The following ZMAT4 variants were observed in gnomAD, a reference collection of about 807,000 sequenced individuals.
ZMAT4 encodes zinc finger matrin-type 4, also known as zinc finger matrin-type protein 4.
Under a neutral mutation model 28.7 loss-of-function variants are expected in ZMAT4, and 17 were observed. The observed-to-expected ratio is 0.59, with a 90% CI of 0.41 to 0.89. The LOEUF (loss-of-function observed/expected upper bound fraction) is 0.89. Ranked by LOEUF, ZMAT4 falls within the 40% of genes least tolerant of loss-of-function variation. ZMAT4 has a pLI of 0.00. For missense variants in ZMAT4, 240 were observed against 283.8 expected (o/e 0.85, Z 1.11); for synonymous variants, 117 against 109.2 (o/e 1.07, Z -0.44).
At chr8:40,757,143 C>A (rs375825034) in intron 3 of ZMAT4, among the ~76,000 whole-genome samples, 4 of 152,088 alleles carry the variant, frequency 2.6e-5, no homozygotes, top group South Asian at 2.1e-4. Context: ...GACACTTGTT[C>A]ATAGTATGGA....
intron 5 of ZMAT4, among the ~76,000 whole-genome samples, chr8:40,670,037 A>G (rs903201041): frequency 5.9e-5 from 9 of 152,224 alleles, no homozygotes; most frequent in Admixed American, 6.5e-5. Flanking sequence ...CAAAGCTTTT[A>G]TGCAAGATTG....
At chr8:40,688,271 C>T (rs1809505376) in intron 4 of ZMAT4, among the ~76,000 whole-genome samples, 1 of 152,054 alleles carries the variant, frequency 6.6e-6, no homozygotes, top group South Asian at 2.1e-4. Context: ...GCCTGACCAA[C>T]ATGGTGAAAT....
intron 2 of ZMAT4, among the ~76,000 whole-genome samples, chr8:40,777,953 G>C (rs1813672375): frequency 6.6e-6 from 1 of 152,172 alleles, no homozygotes; most frequent in Non-Finnish European, 1.5e-5. Flanking sequence ...CGGTTATTCT[G>C]AGTGAATCTT....
At chr8:40,816,653 A>T (rs1317262417) in intron 2 of ZMAT4, among the ~76,000 whole-genome samples, 1 of 152,212 alleles carries the variant, frequency 6.6e-6, no homozygotes. Flanking sequence ...TTGTAGGAAA[A>T]CCAGAAGGTT....
At chr8:40,719,805 A>G (rs753830405) in intron 3 of ZMAT4, among the ~76,000 whole-genome samples, 2 of 152,168 alleles carry the variant, frequency 1.3e-5, no homozygotes, top group Non-Finnish European at 2.9e-5. Flanking sequence ...TCCTGATCTC[A>G]GGTGATCTGC....
At chr8:40,586,427 G>A (rs2118562907) in intron 5 of ZMAT4, among the ~76,000 whole-genome samples, 1 of 152,290 alleles carries the variant, frequency 6.6e-6, no homozygotes, top group South Asian at 2.1e-4. Flanking sequence ...AATCCAGTTG[G>A]AGACAGAAAA....
intron 6 of ZMAT4, among the ~76,000 whole-genome samples, chr8:40,542,075 G>C (rs1803053420): frequency 6.6e-6 from 1 of 152,208 alleles, no homozygotes; most frequent in African/African-American, 2.4e-5. Flanking sequence ...AGGAATGTGT[G>C]GTGGAGAGGC....
At chr8:40,887,728 G>A (rs903770220) in intron 1 of ZMAT4, among the ~76,000 whole-genome samples, 2 of 152,064 alleles carry the variant, frequency 1.3e-5, no homozygotes, top group South Asian at 4.2e-4. Context: ...GAAAGAACAG[G>A]TATGAGACCC....
chr8:40,767,354 T>TCC (rs1241129131), intron 3 of ZMAT4, among the ~76,000 whole-genome samples: 1 of 152,148 alleles, frequency 6.6e-6, no homozygotes, highest in Non-Finnish European at 1.5e-5. Context: ...TGGTCCTGCC[T>TCC]CCCCTTACCC....
chr8:40,702,601 T>C (rs1392454219), intron 3 of ZMAT4, among the ~76,000 whole-genome samples: 1 of 152,232 alleles, frequency 6.6e-6, no homozygotes, highest in African/African-American at 2.4e-5. Context: ...CCTTTTGTTA[T>C]AAAGATTTCT....
intron 1 of ZMAT4, among the ~76,000 whole-genome samples, chr8:40,893,077 C>T (rs1477102198): frequency 6.6e-6 from 1 of 152,220 alleles, no homozygotes; most frequent in African/African-American, 2.4e-5. Context: ...TTCTCTAGTT[C>T]AATCCTTGCT....
intron 1 of ZMAT4, among the ~76,000 whole-genome samples, chr8:40,837,333 T>A (rs1816531488): frequency 6.6e-6 from 1 of 152,190 alleles, no homozygotes; most frequent in African/African-American, 2.4e-5. Context: ...CTGAAAGTCT[T>A]GGTTCCTGGA....
intron 1 of ZMAT4, among the ~76,000 whole-genome samples, chr8:40,827,844 G>A (rs541939334): frequency 3.9e-5 from 6 of 152,280 alleles, no homozygotes; most frequent in Middle Eastern, 3.4e-3. Flanking sequence ...TAGTTGTTAA[G>A]TTTTTCTTAG....
chr8:40,642,408 G>A (rs1807074899), intron 5 of ZMAT4, among the ~76,000 whole-genome samples: 1 of 152,208 alleles, frequency 6.6e-6, no homozygotes, highest in African/African-American at 2.4e-5. Context: ...TTGTGGCTGA[G>A]AGGGACATCA....
chr8:40,839,570 T>C (rs1406679733), intron 1 of ZMAT4, among the ~76,000 whole-genome samples: 1 of 152,202 alleles, frequency 6.6e-6, no homozygotes, highest in Non-Finnish European at 1.5e-5. Flanking sequence ...GACCTAAATG[T>C]CCATCAATGA....
intron 5 of ZMAT4, among the ~76,000 whole-genome samples, chr8:40,598,558 G>A (rs1331374841): frequency 6.6e-6 from 1 of 152,060 alleles, no homozygotes; most frequent in Non-Finnish European, 1.5e-5. Flanking sequence ...TTTTTATATA[G>A]CTGCATAGTA....
chr8:40,599,817 G>T (rs1254610085), intron 5 of ZMAT4, among the ~76,000 whole-genome samples: 1 of 152,186 alleles, frequency 6.6e-6, no homozygotes, highest in Non-Finnish European at 1.5e-5. Context: ...GGCATAGGGG[G>T]GCCCCCGCCC....
chr8:40,741,483 G>A (rs1008663754), intron 3 of ZMAT4, among the ~76,000 whole-genome samples: 2 of 151,378 alleles, frequency 1.3e-5, no homozygotes, highest in African/African-American at 4.8e-5. Flanking sequence ...AGGAAACGAT[G>A]ATCTTGCTAG....
intron 2 of ZMAT4, among the ~76,000 whole-genome samples, chr8:40,806,613 A>T (rs1181315322): frequency 6.6e-6 from 1 of 152,228 alleles, no homozygotes; most frequent in Non-Finnish European, 1.5e-5. Context: ...ATTTCATTGA[A>T]TAGAGAATAA....
Sources: allele counts gnomAD v4.1 joint callset (sites outside exome capture counted in the v4.1 genomes callset), GRCh38; gene constraint gnomAD v4.1.1; transcripts MANE v1.5; gene names NCBI Gene and HGNC (gene_info 2026-07-23, HGNC 2026-07-21).